The following BUB3 variants were observed in gnomAD, a reference collection of about 807,000 sequenced individuals.
BUB3 encodes the protein mitotic checkpoint protein BUB3.
A neutral mutation model predicts 39.9 loss-of-function variants in BUB3; 22 were observed. That is an observed-to-expected ratio of 0.55 (90% CI 0.39 to 0.79). The LOEUF is 0.79. BUB3 is among the 30% of genes least tolerant of loss of function. BUB3 has a pLI of 0.00. For missense variants in BUB3, 303 were observed against 415.4 expected, an observed-to-expected ratio of 0.73 and a Z score of 2.35; for synonymous variants, 168 against 155.1, an observed-to-expected ratio of 1.08 and a Z score of -0.62.
chr10:123,162,599 A>C lies in BUB3; in HGVS notation c.755-13A>C, dbSNP rs188414049. ...GTTAAGAACCATTTTAACTGTTTTGAAATTACTTCCAGGTGGTTCTGATGG... is the reference window on the plus strand; with the variant it reads ...GTTAAGAACCATTTTAACTGTTTTGCAATTACTTCCAGGTGGTTCTGATGG... On this transcript the variant is annotated splice_polypyrimidine_tract_variant and intron_variant, in intron 6 of 7. Coordinates refer to ENST00000368865, the MANE Select transcript of BUB3 (RefSeq NM_004725.4). 1.5e-4 allele frequency: 233 copies of C among 1,600,826 alleles called. No homozygotes were observed. In the African/African-American group the frequency reaches 2.8e-3, roughly 19 times the overall value.
rs1456512438 is a variant in BUB3 at position 123,167,143 on chromosome 10, A to G, written c.*3308A>G. On this transcript the variant is annotated 3_prime_UTR_variant, in exon 8 of 8. Transcript: ENST00000368865. ...TACTTTTTCTGGTCTTGTTCCCACA[A>G]TCATTTTACCTTTTACCACTCCCCC... is the stretch of plus-strand genomic sequence containing the variant. 2 of 152,166 alleles carry G rather than the reference A, an allele frequency of 1.3e-5. No individual in the cohort carries two copies. The highest frequency in any genetic ancestry group is 2.1e-4 in the South Asian group (1 of 4,830). 9.4% of individuals were successfully genotyped at this position (152,166 alleles called of 1,614,324 possible).
intron 3 of BUB3, 76 bp downstream of exon 3, chr10:123,155,803 G>A: frequency 2.1e-6 from 3 of 1,407,024 alleles, no homozygotes; most frequent in Admixed American, 3.4e-5. Context: ...TAGGAAGAGT[G>A]GTTCCTAAAT....
chr10:123,160,049 A>C (rs1363340126), intron 4 of BUB3, among the ~76,000 whole-genome samples: 2 of 152,168 alleles, frequency 1.3e-5, no homozygotes. Flanking sequence ...CTATTATCTC[A>C]TTTTTGAATT....
Position 123,165,162 on chromosome 10 carries a change from T to C in BUB3, c.*1327T>C. The C allele has an allele frequency of 1.4e-6, 2 of 1,381,608 alleles. No individual in the cohort carries two copies. The highest frequency in any genetic ancestry group is 2.0e-6 in the Non-Finnish European group (2 of 981,518). The allele number at this position is 1,381,608 out of a possible 1,614,324, so 85.6% of individuals were successfully genotyped here. ...AGAGTTACTGTGGATTTCTCTGTTT[T>C]CTGTCTTACAAGAAACTTGTCTATG... On this transcript the variant is annotated 3_prime_UTR_variant, in exon 8 of 8. Transcript: ENST00000368865.
rs1287008560 is a variant in BUB3, at chr10:123,167,349, C to A, written c.*3514C>A. On this transcript the variant is annotated 3_prime_UTR_variant, in exon 8 of 8. Transcript: ENST00000368865. ...GTTCAAGGCCCCCTTTTCCATGAAGCCCTTCTTCCTTGTTGCAGCTCACAA... is the reference window on the plus strand; with the variant it reads ...GTTCAAGGCCCCCTTTTCCATGAAGACCTTCTTCCTTGTTGCAGCTCACAA... 6.6e-6 allele frequency: 1 copy of A among 152,192 alleles called. No homozygotes were observed. The highest frequency in any genetic ancestry group is 2.1e-4 in the South Asian group (1 of 4,828). 9.4% of individuals were successfully genotyped at this position (152,192 alleles called of 1,614,324 possible). A position where few individuals can be genotyped will look rare whatever the true frequency, so the allele number is the denominator to read the frequency against.
intron 5 of BUB3, among the ~76,000 whole-genome samples, chr10:123,160,935 G>C (rs1030342348): frequency 1.1e-4 from 17 of 152,078 alleles, no homozygotes; most frequent in African/African-American, 4.1e-4. Flanking sequence ...TTTATATCTG[G>C]ATTTTAAGCT....
rs774655277 is a variant in BUB3, at chr10:123,155,654, A to G, written c.196-4A>G. 2 of 1,613,678 alleles carry G rather than the reference A, an allele frequency of 1.2e-6. No homozygotes were observed. Among genetic ancestry groups the G allele is most frequent in the South Asian group, 1.1e-5 (1 of 91,076 alleles). On this transcript the variant is annotated splice_region_variant and splice_polypyrimidine_tract_variant and intron_variant, in intron 2 of 7. Coordinates refer to ENST00000368865, the MANE Select transcript of BUB3 (RefSeq NM_004725.4). ...TTTTTAAACGGTTCAAAACTATTTT[A>G]TAGGATCCAACGCATGCCTGGAGTG... is the stretch of plus-strand genomic sequence containing the variant.
chr10:123,160,517 C>A lies in BUB3; in HGVS notation c.528C>A (p.Ser176=), dbSNP rs761599833. ...NMGYVQQRRE[S]SLKYQTRCIR... is the part of the protein sequence containing the mutation. Reference sequence around the variant, plus strand: ...GTTACGTGCAGCAGCGCAGGGAGTCCAGCCTGAAATACCAGACTCGCTGCA... The same window carrying A: ...GTTACGTGCAGCAGCGCAGGGAGTCAAGCCTGAAATACCAGACTCGCTGCA... Residue 176 remains serine (S), a synonymous_variant, in exon 5 of 8, where the codon TCC becomes TCA. Transcript: ENST00000368865. The A allele has an allele frequency of 1.2e-6, 2 of 1,612,476 alleles. No homozygotes were observed. The highest frequency in any genetic ancestry group is 2.2e-5 in the South Asian group (2 of 90,804).
At chr10:123,156,062 T>C (rs1449292985) in intron 3 of BUB3, among the ~76,000 whole-genome samples, 4 of 152,238 alleles carry the variant, frequency 2.6e-5, no homozygotes, top group Non-Finnish European at 5.9e-5. Context: ...ACAATGCTGA[T>C]GTTTTGAGAG....
rs771143104 is a variant in BUB3 at position 123,163,942 on chromosome 10, ATAT to A, written c.*111_*113del. 1.9e-4 allele frequency: 261 copies of A among 1,352,742 alleles called. No homozygotes were observed. Among genetic ancestry groups the A allele is most frequent in the Non-Finnish European group, 2.4e-4 (249 of 1,033,622 alleles). 83.8% of individuals were successfully genotyped at this position (1,352,742 alleles called of 1,614,324 possible). A position where few individuals can be genotyped will look rare whatever the true frequency, so the allele number is the denominator to read the frequency against. The stretch of plus-strand genomic sequence containing the variant: ...GAAACCAGGGAAAATATTAATTTTA[ATAT>A]TATAACAACCTGAAAATAATGGAAA... On this transcript the variant is annotated 3_prime_UTR_variant, in exon 8 of 8. Coordinates refer to ENST00000368865, the MANE Select transcript of BUB3 (RefSeq NM_004725.4).
At chr10:123,155,751 GT>G (rs1263165899) in intron 3 of BUB3, 24 bp downstream of exon 3, 6 of 1,608,300 alleles carry the variant, frequency 3.7e-6, no homozygotes, top group Non-Finnish European at 5.1e-6. Context: ...ATCTTTACCA[GT>G]TTGTTTTCTT....
intron 7 of BUB3, among the ~76,000 whole-genome samples, chr10:123,163,477 T>C (rs1420366230): frequency 4.6e-5 from 7 of 152,232 alleles, no homozygotes; most frequent in Non-Finnish European, 1.0e-4. Flanking sequence ...ATAAAATACC[T>C]ACTCCAAGTA....
Position 123,154,974 on chromosome 10 carries a change from C to T in BUB3, c.57C>T (p.Ser19=). The change falls in exon 2 of 8, where the codon TCC becomes TCT. Residue 19 remains serine, a synonymous_variant. Transcript: ENST00000368865. ...AGCCACCCGAGGATGGCATCTCCTC[C>T]GTGAAGTTCAGCCCCAACACCTCCC... The part of the protein sequence containing the change: ...LNQPPEDGIS[S]VKFSPNTSQF... 3.7e-6 allele frequency: 6 copies of T among 1,614,166 alleles called. No homozygotes were observed. The highest frequency in any genetic ancestry group is 2.2e-5 in the South Asian group (2 of 91,080).
chr10:123,155,214 G>T, intron 2 of BUB3, 102 bp downstream of exon 2: 1 of 1,308,154 alleles, frequency 7.6e-7, no homozygotes, highest in South Asian at 1.5e-5. Context: ...TCTGTCGGTG[G>T]GGTTATTTGG....
Position 123,164,813 on chromosome 10 carries a change from C to A in BUB3, c.*978C>A. ...AAAGCAGAACACGAACTTAGCTTGG[C>A]CTATTCTAGGTAGTTCCAAATAGTA... On this transcript the variant is annotated 3_prime_UTR_variant, in exon 8 of 8. Transcript: ENST00000368865. The A allele has an allele frequency of 7.8e-7, 1 of 1,277,222 alleles. No homozygotes were observed. Among genetic ancestry groups the A allele is most frequent in the East Asian group, 2.9e-5 (1 of 33,940 alleles). The allele number at this position is 1,277,222 out of a possible 1,614,324, so 79.1% of individuals were successfully genotyped here.
intron 3 of BUB3, among the ~76,000 whole-genome samples, chr10:123,156,750 C>CTTTTTTTTTTT (rs1589688487): frequency 4.1e-5 from 5 of 123,404 alleles, no homozygotes; most frequent in African/African-American, 1.3e-4. Context: ...CTTTTTCTTT[C>CTTTTTTTTTTT]TTGTTTTTTT....
chr10:123,156,020 G>C (rs898278649), intron 3 of BUB3, among the ~76,000 whole-genome samples: 4 of 152,204 alleles, frequency 2.6e-5, no homozygotes, highest in Admixed American at 1.3e-4. Flanking sequence ...CTGGATCCCA[G>C]ACTGGCCAGC....
intron 5 of BUB3, among the ~76,000 whole-genome samples, 153 bp downstream of exon 5, chr10:123,160,718 A>C (rs1470710978): frequency 6.6e-6 from 1 of 151,318 alleles, no homozygotes; most frequent in Non-Finnish European, 1.5e-5. Flanking sequence ...GATATTTTTG[A>C]CAGCCATGTG....
chr10:123,158,972 TA>T (rs1844385600), intron 4 of BUB3, among the ~76,000 whole-genome samples: 1 of 152,238 alleles, frequency 6.6e-6, no homozygotes, highest in Non-Finnish European at 1.5e-5. Flanking sequence ...ACCTATATAG[TA>T]AAGATTTAAG....
Sources: gnomAD v4.1 joint callset for allele counts (sites outside exome capture counted in the v4.1 genomes callset) on GRCh38, gnomAD v4.1.1 for gene constraint, MANE v1.5 for transcripts, NCBI Gene and HGNC (gene_info 2026-07-23, HGNC 2026-07-21) for gene names.